Variants in WDPCP observed in about 807,000 individuals in gnomAD.
WDPCP encodes WD repeat-containing and planar cell polarity effector protein fritz homolog.
WDPCP carries 71 observed loss-of-function variants against 93.1 expected under a neutral mutation model. The ratio of observed to expected loss-of-function variants is 0.76; its 90% CI spans 0.63 to 0.93. The LOEUF is 0.93. WDPCP is among the 40% of genes least tolerant of loss of function. The probability of loss-of-function intolerance (pLI) is 0.00; values close to 1 mark genes in which losing one functional copy is unlikely to be tolerated. For synonymous variants in WDPCP, 315 were observed against 315.0 expected (o/e 1.00, Z 0.00); for missense variants, 844 against 887.4 (o/e 0.95, Z 0.62).
At chr2:63,703,017 A>C (rs1007924652) in intron 2 of WDPCP, among the ~76,000 whole-genome samples, 26 of 151,896 alleles carry the variant, frequency 1.7e-4, no homozygotes, top group African/African-American at 5.3e-4. Flanking sequence ...TGATGGTTTC[A>C]AGCTTCATCC....
At chr2:63,622,005 C>G (rs964807329) in intron 3 of WDPCP, among the ~76,000 whole-genome samples, 3 of 151,426 alleles carry the variant, frequency 2.0e-5, no homozygotes, top group African/African-American at 7.3e-5. Flanking sequence ...TTAGGTATAT[C>G]TCCCAATGCT....
intron 13 of WDPCP, among the ~76,000 whole-genome samples, chr2:63,307,759 A>G (rs1354586993): frequency 6.6e-6 from 1 of 152,226 alleles, no homozygotes; most frequent in African/African-American, 2.4e-5. Context: ...TAAGACCTAA[A>G]ACCATAAAAA....
intron 2 of WDPCP, among the ~76,000 whole-genome samples, chr2:63,801,886 ACTTAGT>A (rs1670701609): frequency 6.6e-6 from 1 of 152,124 alleles, no homozygotes; most frequent in South Asian, 2.1e-4. Flanking sequence ...GTCTTTTAGG[ACTTAGT>A]CTTAGAAGTC....
intron 2 of WDPCP, among the ~76,000 whole-genome samples, chr2:63,743,396 G>T (rs538448854): frequency 5.9e-4 from 90 of 152,178 alleles, no homozygotes; most frequent in African/African-American, 2.0e-3. Context: ...GAAAATGGAA[G>T]AACAGCTGCT....
intron 10 of WDPCP, among the ~76,000 whole-genome samples, chr2:63,403,100 G>A (rs978456583): frequency 6.6e-6 from 1 of 152,140 alleles, no homozygotes; most frequent in African/African-American, 2.4e-5. Flanking sequence ...CCATTAAAAA[G>A]AACAAGATAA....
intron 1 of WDPCP, among the ~76,000 whole-genome samples, chr2:63,572,121 A>G (rs1707552930): frequency 6.6e-6 from 1 of 152,180 alleles, no homozygotes; most frequent in African/African-American, 2.4e-5. Flanking sequence ...CAAAAATCCC[A>G]TATCGTGTAT....
At chr2:63,190,698 A>G (rs1674978691) in intron 14 of WDPCP, among the ~76,000 whole-genome samples, 1 of 152,150 alleles carries the variant, frequency 6.6e-6, no homozygotes, top group African/African-American at 2.4e-5. Flanking sequence ...GAAATATAAT[A>G]CTGAGTGTAC....
chr2:63,425,181 A>G (rs1487666040), intron 9 of WDPCP, among the ~76,000 whole-genome samples: 2 of 152,194 alleles, frequency 1.3e-5, no homozygotes, highest in Non-Finnish European at 2.9e-5. Context: ...CTCAACTTGA[A>G]CCACAGTTAA....
At chr2:63,701,493 T>C (rs1016608324) in intron 2 of WDPCP, among the ~76,000 whole-genome samples, 2 of 152,236 alleles carry the variant, frequency 1.3e-5, no homozygotes, top group Non-Finnish European at 2.9e-5. Flanking sequence ...GCAATTTTTC[T>C]AGTTATATAT....
chr2:63,397,788 GCA>G (rs1446565350), intron 10 of WDPCP, among the ~76,000 whole-genome samples: 1 of 152,170 alleles, frequency 6.6e-6, no homozygotes, highest in Non-Finnish European at 1.5e-5. Flanking sequence ...TACAGCCAGA[GCA>G]CAGTGTTCTG....
intron 3 of WDPCP, among the ~76,000 whole-genome samples, chr2:63,607,920 C>T (rs531792999): frequency 1.1e-4 from 17 of 151,350 alleles, no homozygotes; most frequent in African/African-American, 3.2e-4. Context: ...ATTTTTTTAA[C>T]CAGGGGAAGG....
intron 2 of WDPCP, chr2:63,751,680 C>G (rs1167507713): frequency 2.0e-6 from 1 of 498,948 alleles, no homozygotes; most frequent in African/African-American, 1.9e-5. Flanking sequence ...AGCTTTGTTT[C>G]CTGGTAGTAA....
intron 1 of WDPCP, among the ~76,000 whole-genome samples, chr2:63,499,884 T>C (rs914847481): frequency 2.6e-5 from 4 of 152,232 alleles, no homozygotes; most frequent in African/African-American, 9.6e-5. Flanking sequence ...CTGCCTCAAC[T>C]ACTGAACCCA....
upstream of WDPCP, chr2:63,588,955 C>T: frequency 3.1e-6 from 5 of 1,588,630 alleles, no homozygotes; most frequent in Non-Finnish European, 4.3e-6. Flanking sequence ...ACACCGCTCG[C>T]CCTCTCCGAG....
upstream of WDPCP, chr2:63,593,476 G>T (rs1249097756): frequency 6.6e-6 from 3 of 455,916 alleles, no homozygotes; most frequent in African/African-American, 6.1e-5. Flanking sequence ...AACTTTCAGA[G>T]CTTAGTGTCA....
At chr2:63,261,185 TTC>T (rs1373615596) in intron 13 of WDPCP, among the ~76,000 whole-genome samples, 26 of 104,072 alleles carry the variant, frequency 2.5e-4, no homozygotes, top group African/African-American at 1.4e-3. Context: ...TTTTTTTTTT[TTC>T]TGTTTTTTTT....
chr2:63,318,914 C>G (rs941948142), intron 12 of WDPCP, among the ~76,000 whole-genome samples: 1 of 151,992 alleles, frequency 6.6e-6, no homozygotes, highest in Non-Finnish European at 1.5e-5. Flanking sequence ...CTGATGTACC[C>G]TTGACCCTAA....
At chr2:63,442,947 G>A (rs948488173) in intron 6 of WDPCP, 1 of 152,146 alleles carries the variant, frequency 6.6e-6, no homozygotes, top group African/African-American at 2.4e-5. Flanking sequence ...TCAGAGGGGT[G>A]AGTGTCATGG....
chr2:63,709,909 G>A (rs1669234177), intron 2 of WDPCP, among the ~76,000 whole-genome samples: 1 of 152,134 alleles, frequency 6.6e-6, no homozygotes, highest in African/African-American at 2.4e-5. Context: ...ATGATTCAGA[G>A]GGCACATGGT....
Sources: gnomAD v4.1 joint callset for allele counts (sites outside exome capture counted in the v4.1 genomes callset) on GRCh38, gnomAD v4.1.1 for gene constraint, MANE v1.5 for transcripts, NCBI Gene and HGNC (gene_info 2026-07-23, HGNC 2026-07-21) for gene names.